Variants in TULP3 observed in about 807,000 individuals in gnomAD.
TULP3 encodes TUB like protein 3.
In TULP3, 38 loss-of-function variants were observed where a neutral mutation model predicts 50.7. The observed-to-expected ratio is 0.75, with a 90% CI of 0.58 to 0.98. The LOEUF is 0.98. TULP3 is among the 50% of genes least tolerant of loss of function. The pLI, the probability that TULP3 is intolerant of heterozygous loss-of-function variation, is 0.00. For synonymous variants in TULP3, 183 were observed against 196.6 expected (o/e 0.93, Z 0.58); for missense variants, 550 against 568.0 (o/e 0.97, Z 0.32).
In TULP3 at chr12:2,937,705, G is replaced by A. The variant is rs1273660909; in HGVS notation, c.999G>A (p.Lys333=). ...VIIPGMTLNH[K]QIPYQPQNNH... is the part of the protein sequence containing the mutation. ...TTCCTGGAATGACACTGAATCATAA[G>A]CAGATCCCCTATCAGCCACAAAACG... is the stretch of plus-strand genomic sequence containing the variant. Residue 333 remains lysine, a synonymous_variant, in exon 9 of 11, where the codon AAG becomes AAA. Transcript: ENST00000448120. 6.2e-7 allele frequency: 1 copy of A among 1,612,738 alleles called. No homozygotes were observed.
chr12:2,935,910 C>T (rs372965396), intron 8 of TULP3, among the ~76,000 whole-genome samples: 1 of 152,088 alleles, frequency 6.6e-6, no homozygotes. Flanking sequence ...GTCGAGGCTG[C>T]AGTGAGCCGT....
chr12:2,891,107 G>A (rs1313731267), intron 1 of TULP3, 119 bp downstream of exon 1: 1 of 1,228,544 alleles, frequency 8.1e-7, no homozygotes, highest in Non-Finnish European at 1.1e-6. Context: ...TGGCGACTCA[G>A]GGAGGGACTG....
Position 2,940,742 on chromosome 12 carries a change from C to G in TULP3, c.*1298C>G. 6.5e-7 allele frequency: 1 copy of G among 1,542,442 alleles called. No individual in the cohort carries two copies. Among genetic ancestry groups the G allele is most frequent in the African/African-American group, 1.4e-5 (1 of 73,070 alleles). ...AAGCATGTGAAGGAGGGCCAACTGG[C>G]AGCTGCGGGACCCTTGGCTTGTCCC... On this transcript the variant is annotated 3_prime_UTR_variant, in exon 11 of 11. Coordinates refer to ENST00000448120, the MANE Select transcript of TULP3 (RefSeq NM_003324.5).
intron 1 of TULP3, among the ~76,000 whole-genome samples, chr12:2,908,424 G>A (rs905048316): frequency 4.7e-5 from 5 of 106,338 alleles, no homozygotes; most frequent in African/African-American, 2.1e-4. Context: ...TTCAGAGAGA[G>A]GTTGTTTTTT....
chr12:2,920,645 G>GA, intron 2 of TULP3, 118 bp from the exon 3 acceptor site: 1 of 1,302,850 alleles, frequency 7.7e-7, no homozygotes, highest in Non-Finnish European at 1.1e-6. Context: ...CTTAAATGGG[G>GA]AAAAAATAAT....
rs1007641278 is a variant in TULP3 at position 2,902,245 on chromosome 12, A to G, written c.42-7284A>G. Among the ~76,000 whole-genome samples, 13 of 152,232 alleles carry G rather than the reference A, an allele frequency of 8.5e-5. 1 individual carries two copies. The highest frequency in any genetic ancestry group is 2.7e-4 in the African/African-American group (11 of 41,468). ...GTTGCATTAATGAGAGAAGATAACT[A>G]TATCTAATTTCTAAGTCTAAAAAAC... is the stretch of plus-strand genomic sequence containing the variant. On this transcript the variant is annotated intron_variant, in intron 1 of 10. Coordinates refer to ENST00000448120, the MANE Select transcript of TULP3 (RefSeq NM_003324.5).
In TULP3 at chr12:2,922,293, A is replaced by G. The variant is rs751915445; in HGVS notation, c.285A>G (p.Pro95=). The G allele has an allele frequency of 6.2e-7, 1 of 1,614,086 alleles. No homozygotes were observed. The highest frequency in any genetic ancestry group is 2.2e-5 in the East Asian group (1 of 44,876). The change falls in exon 4 of 11, where the codon CCA becomes CCG. Residue 95 remains proline, a synonymous_variant. Coordinates refer to ENST00000448120, the MANE Select transcript of TULP3 (RefSeq NM_003324.5). ...GIDGPAAVLK[P]DEVHAPSVSS... is the part of the protein sequence containing the mutation. Reference sequence around the variant, plus strand: ...ATGGTCCAGCTGCTGTCCTGAAACCAGACGAAGTTCATGCTCCATCAGTAA... The same window carrying G: ...ATGGTCCAGCTGCTGTCCTGAAACCGGACGAAGTTCATGCTCCATCAGTAA...
At chr12:2,891,596 A>G (rs1430693846) in intron 1 of TULP3, among the ~76,000 whole-genome samples, 1 of 152,126 alleles carries the variant, frequency 6.6e-6, no homozygotes, top group Non-Finnish European at 1.5e-5. Flanking sequence ...GAGCCTCGGA[A>G]AAAAAAGGAT....
chr12:2,918,147 TCTGTCGCCCAGG>T (rs1412834863), intron 2 of TULP3, among the ~76,000 whole-genome samples: 1 of 152,112 alleles, frequency 6.6e-6, no homozygotes, highest in Non-Finnish European at 1.5e-5. Context: ...ACAGTCTCGC[TCTGTCGCCCAGG>T]CTGGAGTGTA....
At chr12:2,915,746 A>C (rs572207429) in intron 2 of TULP3, among the ~76,000 whole-genome samples, 1 of 151,794 alleles carries the variant, frequency 6.6e-6, no homozygotes, top group South Asian at 2.1e-4. Flanking sequence ...GGATTTCACC[A>C]TGTTGGCCAG....
rs766031765 is a variant in TULP3 at position 2,930,211 on chromosome 12, G to C, written c.395-37G>C. 2.1e-6 allele frequency: 3 copies of C among 1,402,932 alleles called. No individual in the cohort carries two copies. In the African/African-American group the frequency reaches 4.3e-5, roughly 20 times the overall value. The allele number at this position is 1,402,932 out of a possible 1,614,324, so 86.9% of individuals were successfully genotyped here. Reference sequence around the variant, plus strand: ...TTGTTTCAAAGACCTTTTTTAAACAGTGTTGGCAGTGCTAACAGTTCTTCC... The same window carrying C: ...TTGTTTCAAAGACCTTTTTTAAACACTGTTGGCAGTGCTAACAGTTCTTCC... On this transcript the variant is annotated intron_variant, in intron 4 of 10. Transcript: ENST00000448120.
intron 1 of TULP3, among the ~76,000 whole-genome samples, chr12:2,906,476 A>G (rs183458495): frequency 2.0e-5 from 3 of 150,734 alleles, no homozygotes; most frequent in Non-Finnish European, 1.5e-5. Flanking sequence ...TTACAGGTGC[A>G]TGCCGCCATG....
At chr12:2,938,896 C>T (rs909331913) in intron 10 of TULP3, among the ~76,000 whole-genome samples, 1 of 152,112 alleles carries the variant, frequency 6.6e-6, no homozygotes, top group African/African-American at 2.4e-5. Flanking sequence ...ACATTCCCAG[C>T]AAGCTGCTCT....
chr12:2,921,171 T>C (rs1012145913), intron 3 of TULP3, among the ~76,000 whole-genome samples: 5 of 152,048 alleles, frequency 3.3e-5, no homozygotes, highest in Non-Finnish European at 7.4e-5. Flanking sequence ...GGAGTTTTGC[T>C]TTTGTCGCCC....
chr12:2,910,154 A>G (rs1388703936), intron 2 of TULP3, among the ~76,000 whole-genome samples: 2 of 152,144 alleles, frequency 1.3e-5, no homozygotes, highest in Non-Finnish European at 2.9e-5. Context: ...TTAGCCGGGC[A>G]TGGTGGCGGG....
At chr12:2,932,943 A>T (rs896962129) in intron 6 of TULP3, among the ~76,000 whole-genome samples, 40 of 149,594 alleles carry the variant, frequency 2.7e-4, no homozygotes, top group East Asian at 5.9e-4. Context: ...TTTTATTTTT[A>T]TTTTTTATTT....
At chr12:2,897,000 A>G (rs2098175905) in intron 1 of TULP3, among the ~76,000 whole-genome samples, 1 of 152,178 alleles carries the variant, frequency 6.6e-6, no homozygotes, top group Non-Finnish European at 1.5e-5. Flanking sequence ...TTTCAATAAC[A>G]ATACAATTTT....
At chr12:2,896,086 G>A (rs1464088977) in intron 1 of TULP3, among the ~76,000 whole-genome samples, 3 of 152,024 alleles carry the variant, frequency 2.0e-5, no homozygotes, top group South Asian at 2.1e-4. Flanking sequence ...GATTACAGGC[G>A]TGCACCACCA....
At chr12:2,932,178 A>G (rs1252592746) in intron 6 of TULP3, among the ~76,000 whole-genome samples, 1 of 152,074 alleles carries the variant, frequency 6.6e-6, no homozygotes, top group African/African-American at 2.4e-5. Flanking sequence ...CTCCCTGGAG[A>G]GGCTTCCCTT....
Sources: allele counts gnomAD v4.1 joint callset (sites outside exome capture counted in the v4.1 genomes callset), GRCh38; gene constraint gnomAD v4.1.1; transcripts MANE v1.5; gene names NCBI Gene and HGNC (gene_info 2026-07-23, HGNC 2026-07-21).